The following CSMD1 variants were observed in gnomAD, a reference collection of about 807,000 sequenced individuals.
The protein encoded by CSMD1 is CUB and sushi domain-containing protein 1.
In CSMD1, 213 loss-of-function variants were observed where a neutral mutation model predicts 417.5. That is an observed-to-expected ratio of 0.51 (90% confidence interval 0.46 to 0.57). CSMD1 has a LOEUF of 0.57. Ranked by LOEUF, CSMD1 falls within the 20% of genes least tolerant of loss-of-function variation. The pLI is 0.00. For synonymous variants in CSMD1, 2,862 were observed against 1,736.8 expected (o/e 1.65, Z -16.11); for missense variants, 6,923 against 4,529.7 (o/e 1.53, Z -15.17).
intron 2 of CSMD1, among the ~76,000 whole-genome samples, chr8:4,596,625 GTTAACT>G (rs1403868601): frequency 1.3e-5 from 2 of 152,106 alleles, no homozygotes; most frequent in Non-Finnish European, 2.9e-5. Context: ...CATTGTCTTT[GTTAACT>G]TTGTTGTTGT....
At chr8:4,296,266 G>C (rs573101334) in intron 3 of CSMD1, among the ~76,000 whole-genome samples, 27 of 152,052 alleles carry the variant, frequency 1.8e-4, no homozygotes, top group Non-Finnish European at 3.4e-4. Flanking sequence ...TATAGCACCA[G>C]AATTCAGAAG....
At chr8:4,787,906 A>G in intron 1 of CSMD1, 2 of 1,588,242 alleles carry the variant, frequency 1.3e-6, no homozygotes, top group East Asian at 2.2e-5. Flanking sequence ...TGTTGATGTA[A>G]CCACAAAGAA....
chr8:3,671,711 T>C (rs1378235428), intron 7 of CSMD1, among the ~76,000 whole-genome samples: 1 of 151,680 alleles, frequency 6.6e-6, no homozygotes, highest in Non-Finnish European at 1.5e-5. Flanking sequence ...ATCTTATTCG[T>C]GTTGCATGCC....
intron 5 of CSMD1, among the ~76,000 whole-genome samples, chr8:3,991,511 A>G (rs1585092760): frequency 6.6e-6 from 1 of 152,220 alleles, no homozygotes; most frequent in Non-Finnish European, 1.5e-5. Context: ...AATATGCTCA[A>G]CAAGCAAGTA....
chr8:4,374,436 G>A (rs75233835), intron 3 of CSMD1, among the ~76,000 whole-genome samples: 2 of 152,154 alleles, frequency 1.3e-5, no homozygotes, highest in Non-Finnish European at 2.9e-5. Context: ...TTTGTAGAAG[G>A]AATGGAACTT....
At chr8:4,169,676 C>T (rs1324234934) in intron 3 of CSMD1, among the ~76,000 whole-genome samples, 2 of 152,150 alleles carry the variant, frequency 1.3e-5, no homozygotes, top group African/African-American at 4.8e-5. Flanking sequence ...GAAGAGCACA[C>T]TCCTGGATGG....
intron 3 of CSMD1, among the ~76,000 whole-genome samples, chr8:4,063,694 G>A (rs367553505): frequency 3.3e-5 from 5 of 152,304 alleles, no homozygotes; most frequent in South Asian, 4.1e-4. Flanking sequence ...CATGGACCAG[G>A]CATGCTACCT....
chr8:3,861,949 C>G (rs140241453), intron 5 of CSMD1, among the ~76,000 whole-genome samples: 1 of 152,068 alleles, frequency 6.6e-6, no homozygotes, highest in Non-Finnish European at 1.5e-5. Flanking sequence ...ATCTTTGTAC[C>G]CTGGTTTAAT....
intron 12 of CSMD1, among the ~76,000 whole-genome samples, chr8:3,428,619 G>C (rs893635918): frequency 6.6e-5 from 10 of 152,146 alleles, no homozygotes; most frequent in Non-Finnish European, 1.3e-4. Flanking sequence ...GTGGAACTTA[G>C]TACAGCCACC....
At chr8:3,386,955 T>G (rs1317731542) in intron 18 of CSMD1, among the ~76,000 whole-genome samples, 1 of 152,174 alleles carries the variant, frequency 6.6e-6, no homozygotes, top group Non-Finnish European at 1.5e-5. Context: ...TTATTTGTCT[T>G]GAGATTCCCA....
chr8:3,459,902 T>C (rs1281761676), intron 12 of CSMD1, among the ~76,000 whole-genome samples: 3 of 152,138 alleles, frequency 2.0e-5, no homozygotes, highest in Non-Finnish European at 2.9e-5. Context: ...CCTAAGATTA[T>C]TGATAAGGGT....
Position 3,325,670 on chromosome 8 carries a change from A to G in CSMD1, c.3632-17167T>C, listed in dbSNP as rs374877253. Among the ~76,000 whole-genome samples the G allele has an allele frequency of 9.3e-4, 142 of 152,262 alleles. 2 individuals carry two copies. In the East Asian group the frequency reaches 0.012, roughly 13 times the overall value. ...GAAACCCCGTCTCTACTAAAAATAC[A>G]GAAGTTAGCTGGGCATGGTGGCAGG... On this transcript the variant is annotated intron_variant, in intron 23 of 69. Coordinates refer to ENST00000635120, the MANE Select transcript of CSMD1 (RefSeq NM_033225.6).
intron 1 of CSMD1, among the ~76,000 whole-genome samples, chr8:4,669,446 G>A (rs1805154850): frequency 6.6e-6 from 1 of 152,106 alleles, no homozygotes; most frequent in Non-Finnish European, 1.5e-5. Context: ...TAGTTCCTGA[G>A]GAACAACTAC....
At chr8:4,632,884 T>A (rs1422618640) in intron 2 of CSMD1, among the ~76,000 whole-genome samples, 2 of 152,120 alleles carry the variant, frequency 1.3e-5, no homozygotes, top group Non-Finnish European at 1.5e-5. Context: ...AACATTCTCT[T>A]GTAAGGTCAG....
chr8:3,710,444 C>A (rs1197535085), intron 6 of CSMD1, among the ~76,000 whole-genome samples: 2 of 152,252 alleles, frequency 1.3e-5, no homozygotes, highest in East Asian at 1.9e-4. Context: ...GTGTCCTGAG[C>A]CCAGCCAACT....
chr8:3,119,431 C>T (rs1817066871), intron 41 of CSMD1, among the ~76,000 whole-genome samples: 1 of 135,262 alleles, frequency 7.4e-6, no homozygotes, highest in Non-Finnish European at 1.6e-5. Context: ...AATCCCTAAG[C>T]TGACAACTAC....
chr8:4,859,089 C>T (rs972697602), intron 1 of CSMD1, among the ~76,000 whole-genome samples: 2 of 151,990 alleles, frequency 1.3e-5, no homozygotes, highest in African/African-American at 4.8e-5. Flanking sequence ...TGGAACAGAA[C>T]AGAGCCCTCA....
intron 3 of CSMD1, among the ~76,000 whole-genome samples, chr8:4,153,085 C>T (rs962418451): frequency 6.6e-6 from 1 of 152,052 alleles, no homozygotes; most frequent in Admixed American, 6.5e-5. Flanking sequence ...GATTCTTTTT[C>T]AGATGTGTAA....
At chr8:4,491,113 C>T (rs920716756) in intron 2 of CSMD1, among the ~76,000 whole-genome samples, 2 of 151,928 alleles carry the variant, frequency 1.3e-5, no homozygotes, top group African/African-American at 2.4e-5. Context: ...GCTTAATATG[C>T]GGGCAATGAA....
Sources: gnomAD v4.1 joint callset for allele counts (sites outside exome capture counted in the v4.1 genomes callset) on GRCh38, gnomAD v4.1.1 for gene constraint, MANE v1.5 for transcripts, NCBI Gene and HGNC (gene_info 2026-07-23, HGNC 2026-07-21) for gene names.